The following RTN4 variants were observed in gnomAD, a reference collection of about 807,000 sequenced individuals.
RTN4 encodes the protein reticulon-4.
Under a neutral mutation model 90.4 loss-of-function variants are expected in RTN4, and 32 were observed. That is an observed-to-expected ratio of 0.35 (90% confidence interval 0.27 to 0.48). The LOEUF (loss-of-function observed/expected upper bound fraction) is 0.48. RTN4 is among the 20% of genes least tolerant of loss of function. The pLI is 0.99. For synonymous variants in RTN4, 629 were observed against 552.5 expected (o/e 1.14, Z -1.94); for missense variants, 1,706 against 1,430.2 (o/e 1.19, Z -3.11).
chr2:55,105,324 G>C (rs1207223418), intron 1 of RTN4, among the ~76,000 whole-genome samples: 1 of 148,068 alleles, frequency 6.8e-6, no homozygotes, highest in African/African-American at 2.5e-5. Flanking sequence ...CCACCTCCCA[G>C]GTTCAAGCAG....
chr2:55,093,317 A>T (rs1331525548), intron 1 of RTN4, among the ~76,000 whole-genome samples: 1 of 151,870 alleles, frequency 6.6e-6, no homozygotes. Flanking sequence ...ATGCATGTAT[A>T]CCTGTATGTT....
chr2:55,106,524 A>T (rs1040144564), intron 1 of RTN4, among the ~76,000 whole-genome samples: 3 of 151,964 alleles, frequency 2.0e-5, no homozygotes, highest in African/African-American at 7.3e-5. Flanking sequence ...AATATTTATT[A>T]AACTTTTTTT....
intron 1 of RTN4, among the ~76,000 whole-genome samples, chr2:55,091,119 CT>C (rs1292554976): frequency 6.6e-6 from 1 of 152,162 alleles, no homozygotes; most frequent in African/African-American, 2.4e-5. Flanking sequence ...CACCAGTGGC[CT>C]TTTCACTACC....
the RTN4 span, among the ~76,000 whole-genome samples, chr2:55,131,471 G>C: frequency 6.6e-6 from 1 of 152,252 alleles, no homozygotes; most frequent in South Asian, 2.1e-4. Flanking sequence ...GCCTCCCAAA[G>C]TTCTAGGATT....
chr2:55,010,419 ATTT>A, intron 3 of RTN4: 1 of 1,142,084 alleles, frequency 8.8e-7, no homozygotes. Flanking sequence ...ATGGAGCTGC[ATTT>A]GCAGGGAGAG....
chr2:55,119,106 G>A, the RTN4 span, among the ~76,000 whole-genome samples: 1 of 152,328 alleles, frequency 6.6e-6, no homozygotes, highest in South Asian at 2.1e-4. Flanking sequence ...GGAGACAGAG[G>A]TGGGAGGCTG....
At chr2:55,002,516 T>A (rs997934922) in intron 3 of RTN4, among the ~76,000 whole-genome samples, 5 of 152,192 alleles carry the variant, frequency 3.3e-5, no homozygotes, top group African/African-American at 1.2e-4. Context: ...TCATTTATAA[T>A]TAAATTCACC....
intron 3 of RTN4, among the ~76,000 whole-genome samples, chr2:55,022,732 T>C (rs1681530815): frequency 6.6e-6 from 1 of 152,088 alleles, no homozygotes; most frequent in African/African-American, 2.4e-5. Context: ...GTGACTTCAA[T>C]GTTAGGTAGA....
At chr2:55,056,998 T>C (rs904556604) in intron 2 of RTN4, among the ~76,000 whole-genome samples, 1 of 152,238 alleles carries the variant, frequency 6.6e-6, no homozygotes, top group African/African-American at 2.4e-5. Context: ...ACCCCCTTCA[T>C]AGACCTCTTT....
At chr2:55,016,056 T>C (rs1573387587) in intron 3 of RTN4, among the ~76,000 whole-genome samples, 1 of 152,136 alleles carries the variant, frequency 6.6e-6, no homozygotes, top group Admixed American at 6.5e-5. Flanking sequence ...ATAAAGAGGT[T>C]AATAGCATTA....
At chr2:55,043,658 G>A (rs1683220209) in intron 1 of RTN4, among the ~76,000 whole-genome samples, 1 of 152,134 alleles carries the variant, frequency 6.6e-6, no homozygotes, top group African/African-American at 2.4e-5. Context: ...CACCGAGGCA[G>A]GTGGGTCACC....
At chr2:54,990,053 A>T (rs191295779) in intron 3 of RTN4, among the ~76,000 whole-genome samples, 57 of 152,306 alleles carry the variant, frequency 3.7e-4, no homozygotes, top group African/African-American at 1.2e-3. Flanking sequence ...GGTCACCTAG[A>T]CTAAAAAAAT....
intron 2 of RTN4, among the ~76,000 whole-genome samples, chr2:55,065,537 G>C (rs1370233142): frequency 6.6e-6 from 1 of 151,936 alleles, no homozygotes; most frequent in East Asian, 1.9e-4. Context: ...TTTTCATCAA[G>C]AGTAGAATGG....
intron 1 of RTN4, among the ~76,000 whole-genome samples, chr2:55,099,576 G>A (rs955553661): frequency 2.0e-5 from 3 of 152,006 alleles, no homozygotes; most frequent in Non-Finnish European, 4.4e-5. Flanking sequence ...CATCAATCAG[G>A]GATTTGGGGG....
chr2:55,049,541 G>A, intron 1 of RTN4: 1 of 812,942 alleles, frequency 1.2e-6, no homozygotes. Flanking sequence ...AAACCAAGAC[G>A]GACAATAAGA....
intron 3 of RTN4, among the ~76,000 whole-genome samples, chr2:55,021,253 G>A (rs557658045): frequency 2.6e-5 from 4 of 152,034 alleles, no homozygotes; most frequent in South Asian, 2.1e-4. Context: ...TCCCTTTCAC[G>A]AAGATACACA....
the RTN4 span, among the ~76,000 whole-genome samples, chr2:55,126,932 T>C: frequency 6.6e-6 from 1 of 152,194 alleles, no homozygotes; most frequent in African/African-American, 2.4e-5. Context: ...AAATACTGCA[T>C]GTTCTCACTT....
intron 1 of RTN4, among the ~76,000 whole-genome samples, chr2:55,097,532 T>G (rs1391026483): frequency 6.6e-6 from 1 of 152,002 alleles, no homozygotes; most frequent in Non-Finnish European, 1.5e-5. Context: ...GCCCCAGAGA[T>G]GGCAAAGCTT....
chr2:55,014,495 A>G (rs1245365618), intron 3 of RTN4: 1 of 151,526 alleles, frequency 6.6e-6, no homozygotes, highest in Non-Finnish European at 1.5e-5. Context: ...TATAATTCCA[A>G]TTTTAGTATG....
Sources: allele counts gnomAD v4.1 joint callset (sites outside exome capture counted in the v4.1 genomes callset), GRCh38; gene constraint gnomAD v4.1.1; transcripts MANE v1.5; gene names NCBI Gene and HGNC (gene_info 2026-07-23, HGNC 2026-07-21).